The following SLC44A5 variants were observed in gnomAD, a reference collection of about 807,000 sequenced individuals.
SLC44A5 encodes solute carrier family 44 member 5, also known as choline transporter-like protein 5.
SLC44A5 carries 57 observed loss-of-function variants against 101.8 expected under a neutral mutation model. The ratio of observed to expected loss-of-function variants is 0.56; its 90% confidence interval spans 0.45 to 0.70. The LOEUF (loss-of-function observed/expected upper bound fraction) is 0.70, where lower values mean the gene tolerates loss of function less well. Ranked by LOEUF, SLC44A5 falls within the 30% of genes least tolerant of loss-of-function variation. The probability of loss-of-function intolerance (pLI) is 0.00; values close to 1 mark genes in which losing one functional copy is unlikely to be tolerated. For synonymous variants in SLC44A5, 281 were observed against 290.9 expected (o/e 0.97, Z 0.35); for missense variants, 737 against 853.1 (o/e 0.86, Z 1.70).
At chr1:75,660,507 C>T in the SLC44A5 span, among the ~76,000 whole-genome samples, 1 of 152,000 alleles carries the variant, frequency 6.6e-6, no homozygotes, top group Non-Finnish European at 1.5e-5. Context: ...TAAAGGGCAT[C>T]CAACTTGGAA....
chr1:75,521,105 A>G (rs1293117503), intron 2 of SLC44A5, among the ~76,000 whole-genome samples: 2 of 152,336 alleles, frequency 1.3e-5, no homozygotes, highest in African/African-American at 2.4e-5. Flanking sequence ...ACTCTGTTCA[A>G]CCTTACACAA....
Position 75,253,790 on chromosome 1 carries a change from T to C in SLC44A5, c.261-2496A>G, listed in dbSNP as rs149362925. Among the ~76,000 whole-genome samples the C allele has an allele frequency of 4.7e-3, 716 of 152,258 alleles. 16 individuals carry two copies. Among genetic ancestry groups the C allele is most frequent in the African/African-American group, 0.016 (667 of 41,510 alleles). The stretch of plus-strand genomic sequence containing the variant: ...AACTCAAGTTATTCACCAGATTATA[T>C]TATCCTCAAGGGTAAGGTTTATACC... On this transcript the variant is annotated intron_variant, in intron 6 of 23. Transcript: ENST00000370859.
intron 3 of SLC44A5, among the ~76,000 whole-genome samples, chr1:75,356,159 G>C (rs1659052099): frequency 7.0e-6 from 1 of 143,662 alleles, no homozygotes; most frequent in African/African-American, 2.6e-5. Context: ...GTTGCAGTGA[G>C]CTGAGATAGT....
chr1:75,325,265 T>C (rs1448296313), intron 4 of SLC44A5, among the ~76,000 whole-genome samples: 1 of 152,142 alleles, frequency 6.6e-6, no homozygotes. Flanking sequence ...TTTCAACTTG[T>C]ATGAATAACA....
At chr1:75,581,384 G>A (rs543662356) in intron 1 of SLC44A5, among the ~76,000 whole-genome samples, 81 of 152,172 alleles carry the variant, frequency 5.3e-4, no homozygotes, top group African/African-American at 1.8e-3. Flanking sequence ...TAAATGAACT[G>A]GCTTATACTC....
At chr1:75,360,913 A>G (rs994067889) in intron 3 of SLC44A5, among the ~76,000 whole-genome samples, 2 of 152,190 alleles carry the variant, frequency 1.3e-5, no homozygotes, top group African/African-American at 4.8e-5. Context: ...TGAACATTTT[A>G]ACAATATTAA....
chr1:75,492,495 A>G (rs910796337), intron 2 of SLC44A5, among the ~76,000 whole-genome samples: 5 of 152,226 alleles, frequency 3.3e-5, no homozygotes, highest in African/African-American at 4.8e-5. Flanking sequence ...AATAAAGATT[A>G]AAAAATGAAA....
chr1:75,448,126 A>G (rs1665690257), intron 2 of SLC44A5, among the ~76,000 whole-genome samples: 1 of 152,234 alleles, frequency 6.6e-6, no homozygotes, highest in Non-Finnish European at 1.5e-5. Context: ...CATCTGAAAC[A>G]ATTTGGCTAA....
chr1:75,224,857 G>A (rs1255927740), intron 13 of SLC44A5, among the ~76,000 whole-genome samples: 3 of 151,600 alleles, frequency 2.0e-5, no homozygotes, highest in Non-Finnish European at 4.4e-5. Context: ...GTTTGTATAC[G>A]TGTGATTATA....
chr1:75,215,027 CT>C (rs1361925685), intron 19 of SLC44A5, among the ~76,000 whole-genome samples: 1 of 152,064 alleles, frequency 6.6e-6, no homozygotes, highest in Non-Finnish European at 1.5e-5. Flanking sequence ...ATTGTAGTCT[CT>C]ACATAAAAAA....
intron 1 of SLC44A5, among the ~76,000 whole-genome samples, chr1:75,585,747 T>C (rs1673955010): frequency 6.6e-6 from 1 of 152,214 alleles, no homozygotes; most frequent in Admixed American, 6.5e-5. Context: ...GTAAATTATA[T>C]AATACATTTA....
At chr1:75,712,713 A>C in the SLC44A5 span, among the ~76,000 whole-genome samples, 47 of 110,634 alleles carry the variant, frequency 4.2e-4, 7 homozygotes, top group Admixed American at 5.1e-4. Flanking sequence ...AAAAAAAAAA[A>C]ATGGAAAAGA....
At chr1:75,600,249 A>G in intron 1 of SLC44A5, among the ~76,000 whole-genome samples, 1 of 152,166 alleles carries the variant, frequency 6.6e-6, no homozygotes, top group East Asian at 1.9e-4. Context: ...GCAAGCAGAC[A>G]GATAAAGATG....
At chr1:75,207,501 G>A (rs1336805286) in intron 23 of SLC44A5, among the ~76,000 whole-genome samples, 2 of 152,164 alleles carry the variant, frequency 1.3e-5, no homozygotes, top group African/African-American at 4.8e-5. Flanking sequence ...ACATTTGCAT[G>A]AAATTAAGCC....
intron 2 of SLC44A5, among the ~76,000 whole-genome samples, chr1:75,505,966 A>G (rs1265457806): frequency 6.6e-6 from 1 of 152,238 alleles, no homozygotes; most frequent in African/African-American, 2.4e-5. Flanking sequence ...AATTTTTTCT[A>G]GGTTTTTTAT....
At chr1:75,644,439 T>G in the SLC44A5 span, among the ~76,000 whole-genome samples, 1 of 152,170 alleles carries the variant, frequency 6.6e-6, no homozygotes, top group South Asian at 2.1e-4. Flanking sequence ...GAATGACTTT[T>G]TAACAAAAGT....
chr1:75,406,773 G>A lies in SLC44A5; in HGVS notation c.14-10152C>T, dbSNP rs369668571. 7.9e-5 allele frequency among the ~76,000 whole-genome samples: 12 copies of A among 152,222 alleles called. No homozygotes were observed. The East Asian group carries it at 2.3e-3, about 29-fold the overall frequency. ...TATCATACTGAATGGGCAAAAGCTG[G>A]AAGCATTCCCTTTGAAAACCAGCAC... On this transcript the variant is annotated intron_variant, in intron 2 of 23. Transcript: ENST00000370859.
the SLC44A5 span, among the ~76,000 whole-genome samples, chr1:75,712,047 T>C: frequency 6.6e-6 from 1 of 152,252 alleles, no homozygotes; most frequent in African/African-American, 2.4e-5. Context: ...CTAAGCACAG[T>C]GTGTCTGATC....
chr1:75,599,652 A>G (rs999380756), intron 1 of SLC44A5, among the ~76,000 whole-genome samples: 5 of 152,204 alleles, frequency 3.3e-5, no homozygotes, highest in African/African-American at 1.2e-4. Context: ...AGAGAAGTTG[A>G]CATTTGTGCT....
Sources: allele counts gnomAD v4.1 joint callset (sites outside exome capture counted in the v4.1 genomes callset), GRCh38; gene constraint gnomAD v4.1.1; transcripts MANE v1.5; gene names NCBI Gene and HGNC (gene_info 2026-07-23, HGNC 2026-07-21).